Variants in OR9Q1 observed in about 807,000 individuals in gnomAD.
OR9Q1 encodes the protein olfactory receptor 9Q1.
For synonymous variants in OR9Q1, 153 were observed against 148.6 expected, an observed-to-expected ratio of 1.03 and a Z score of -0.22; for missense variants, 374 against 378.8, an observed-to-expected ratio of 0.99 and a Z score of 0.11.
rs143936357 is a variant in OR9Q1, at chr11:58,104,178, T to C, written c.-15+48231T>C. Among the ~76,000 whole-genome samples the C allele has an allele frequency of 4.9e-4, 74 of 152,156 alleles. 1 individual carries two copies. In the East Asian group the frequency reaches 0.014, roughly 28 times the overall value. On this transcript the variant is annotated intron_variant, in intron 2 of 2. Transcript: ENST00000335397. ...ACTTTACTATCTGAAGCCAAAAATA[T>C]GAAAAAATATATACTGAGTAAAACT...
chr11:58,141,943 A>C (rs971179576), intron 2 of OR9Q1, among the ~76,000 whole-genome samples: 3 of 152,162 alleles, frequency 2.0e-5, no homozygotes, highest in African/African-American at 7.2e-5. Context: ...CATGTCTCCC[A>C]AAGACCTGAA....
intron 2 of OR9Q1, among the ~76,000 whole-genome samples, chr11:58,178,434 T>C (rs148765931): frequency 3.9e-4 from 60 of 152,304 alleles, no homozygotes; most frequent in African/African-American, 1.2e-3. Flanking sequence ...AATTAATGTC[T>C]TAGAATTATC....
rs114676288 is a variant in OR9Q1, at chr11:58,116,345, G to A, written c.-15+60398G>A. 2.4e-3 allele frequency among the ~76,000 whole-genome samples: 362 copies of A among 152,288 alleles called. 2 individuals are homozygous for A. Among genetic ancestry groups the A allele is most frequent in the African/African-American group, 8.3e-3 (344 of 41,558 alleles). On this transcript the variant is annotated intron_variant, in intron 2 of 2. Transcript: ENST00000335397. ...TGTACCCATATCCTAGTGTGCATGG[G>A]CAAGAGTTTCTCCAGTGTGTATAGC...
At chr11:58,091,110 A>AT (rs1360699679) in intron 2 of OR9Q1, among the ~76,000 whole-genome samples, 8 of 150,814 alleles carry the variant, frequency 5.3e-5, no homozygotes, top group Admixed American at 2.0e-4. Flanking sequence ...GGATTCATTG[A>AT]TTTTTTGAAG....
intron 2 of OR9Q1, among the ~76,000 whole-genome samples, chr11:58,090,689 A>G (rs759256626): frequency 1.3e-5 from 2 of 151,916 alleles, no homozygotes; most frequent in African/African-American, 2.4e-5. Context: ...CTGTTTTTCT[A>G]TTGTTTGGAA....
chr11:58,176,434 G>A (rs899988651), intron 2 of OR9Q1, among the ~76,000 whole-genome samples: 4 of 152,164 alleles, frequency 2.6e-5, no homozygotes, highest in African/African-American at 9.7e-5. Flanking sequence ...CCATTGATTG[G>A]AGACCTCAGA....
At chr11:58,173,428 T>C (rs1485204961) in intron 2 of OR9Q1, among the ~76,000 whole-genome samples, 1 of 151,754 alleles carries the variant, frequency 6.6e-6, no homozygotes, top group Non-Finnish European at 1.5e-5. Context: ...AGAATGATGA[T>C]TTCCAGTTTC....
chr11:58,133,103 T>C (rs1170954882), intron 2 of OR9Q1, among the ~76,000 whole-genome samples: 1 of 152,166 alleles, frequency 6.6e-6, no homozygotes, highest in Non-Finnish European at 1.5e-5. Flanking sequence ...TTGGTCCTGC[T>C]GAAGGTGAGC....
chr11:58,116,439 AT>A (rs1326037865), intron 2 of OR9Q1, among the ~76,000 whole-genome samples: 2 of 152,222 alleles, frequency 1.3e-5, no homozygotes, highest in Non-Finnish European at 2.9e-5. Flanking sequence ...AAATTGTTTT[AT>A]AAAGTTGTTA....
intron 2 of OR9Q1, among the ~76,000 whole-genome samples, chr11:58,075,151 A>G (rs947557311): frequency 1.4e-4 from 22 of 152,154 alleles, no homozygotes; most frequent in Non-Finnish European, 2.6e-4. Context: ...AAGAAAGTCA[A>G]TGGTAGCTTG....
intron 1 of OR9Q1, among the ~76,000 whole-genome samples, chr11:58,026,531 A>G (rs913178988): frequency 6.6e-6 from 1 of 151,766 alleles, no homozygotes; most frequent in Non-Finnish European, 1.5e-5. Context: ...AAAATACAAA[A>G]ATTAGCTGGA....
intron 2 of OR9Q1, among the ~76,000 whole-genome samples, chr11:58,074,780 G>A (rs1181383919): frequency 6.6e-6 from 1 of 152,074 alleles, no homozygotes. Flanking sequence ...GTTAATTTTT[G>A]TATAAGGTGT....
At chr11:58,116,224 C>T (rs534123110) in intron 2 of OR9Q1, among the ~76,000 whole-genome samples, 2 of 152,224 alleles carry the variant, frequency 1.3e-5, no homozygotes, top group South Asian at 2.1e-4. Flanking sequence ...TGCCAGGGCT[C>T]CAGCCATCAC....
intron 2 of OR9Q1, among the ~76,000 whole-genome samples, chr11:58,105,510 A>G (rs1305590887): frequency 1.3e-5 from 2 of 149,826 alleles, no homozygotes; most frequent in Admixed American, 6.6e-5. Context: ...GAACAATTAC[A>G]TGAGATCTAC....
At chr11:58,160,438 T>TTTGTTGTTGTTG (rs138422584) in intron 2 of OR9Q1, among the ~76,000 whole-genome samples, 44 of 150,202 alleles carry the variant, frequency 2.9e-4, no homozygotes, top group African/African-American at 1.0e-3. Flanking sequence ...GAGTAGAATA[T>TTTGTTGTTGTTG]TTGTTGTTGT....
chr11:58,071,324 C>A (rs1853485565), intron 2 of OR9Q1, among the ~76,000 whole-genome samples: 1 of 150,768 alleles, frequency 6.6e-6, no homozygotes, highest in African/African-American at 2.4e-5. Context: ...CCCATCTCTA[C>A]TAAAAATACA....
intron 2 of OR9Q1, among the ~76,000 whole-genome samples, chr11:58,176,117 C>T (rs2119964210): frequency 6.6e-6 from 1 of 152,310 alleles, no homozygotes; most frequent in East Asian, 1.9e-4. Context: ...AGTTGGCCCT[C>T]CTGGGTAATG....
chr11:58,125,246 C>CT (rs1357492542), intron 2 of OR9Q1: 1 of 121,076 alleles, frequency 8.3e-6, no homozygotes, highest in Admixed American at 9.2e-5. Context: ...ACCGCCCCCC[C>CT]CCCAAAAAAA....
At chr11:58,039,325 T>C (rs911473115) in intron 1 of OR9Q1, among the ~76,000 whole-genome samples, 5 of 152,230 alleles carry the variant, frequency 3.3e-5, no homozygotes, top group Non-Finnish European at 7.3e-5. Flanking sequence ...CTTTCTTTGG[T>C]GGCTTCATTC....
Sources: gnomAD v4.1 joint callset for allele counts (sites outside exome capture counted in the v4.1 genomes callset) on GRCh38, gnomAD v4.1.1 for gene constraint, MANE v1.5 for transcripts, NCBI Gene and HGNC (gene_info 2026-07-23, HGNC 2026-07-21) for gene names.